The following RGS9 variants were observed in gnomAD, a reference collection of about 807,000 sequenced individuals.
RGS9 encodes regulator of G-protein signalling 9.
RGS9 carries 78 observed loss-of-function variants against 102.0 expected under a neutral mutation model. The ratio of observed to expected loss-of-function variants is 0.76; its 90% confidence interval spans 0.64 to 0.92. The LOEUF is 0.92. Among genes scored for constraint, RGS9 ranks in the 40% least tolerant of loss-of-function variants. The pLI, the probability that RGS9 is intolerant of heterozygous loss-of-function variation, is 0.00. For missense variants in RGS9, 833 were observed against 866.1 expected (o/e 0.96, Z 0.48); for synonymous variants, 353 against 318.6 (o/e 1.11, Z -1.15).
At chr17:65,216,857 A>G (rs1023343030) in intron 17 of RGS9, among the ~76,000 whole-genome samples, 3 of 152,182 alleles carry the variant, frequency 2.0e-5, no homozygotes, top group African/African-American at 7.2e-5. Context: ...AGTGCTCTGA[A>G]GGAAAGGAAA....
chr17:65,198,985 C>CT (rs1470141498), intron 13 of RGS9, among the ~76,000 whole-genome samples: 1 of 151,954 alleles, frequency 6.6e-6, no homozygotes, highest in Non-Finnish European at 1.5e-5. Context: ...AATTTATTAT[C>CT]TCCCCCCCAC....
intron 11 of RGS9, among the ~76,000 whole-genome samples, chr17:65,190,722 A>T (rs575683973): frequency 6.6e-6 from 1 of 152,274 alleles, no homozygotes; most frequent in East Asian, 1.9e-4. Context: ...GGCTACCTTG[A>T]CCCAGCCCCC....
intron 2 of RGS9, among the ~76,000 whole-genome samples, chr17:65,155,083 A>G (rs1910719496): frequency 6.6e-6 from 1 of 152,188 alleles, no homozygotes; most frequent in Non-Finnish European, 1.5e-5. Flanking sequence ...GAAATGCTAT[A>G]GAGCAGCTCA....
intron 17 of RGS9, among the ~76,000 whole-genome samples, chr17:65,216,618 C>A (rs982313337): frequency 2.6e-4 from 39 of 152,172 alleles, no homozygotes; most frequent in African/African-American, 8.9e-4. Flanking sequence ...GCCTGGGCAA[C>A]GATTTTACAG....
At chr17:65,189,107 A>G in intron 9 of RGS9, 179 bp from the exon 10 acceptor site, 1 of 621,258 alleles carries the variant, frequency 1.6e-6, no homozygotes, top group Non-Finnish European at 2.9e-6. Context: ...CTTGGTATTT[A>G]TTCCCCAGGG....
chr17:65,145,385 C>T (rs571711174), intron 1 of RGS9, among the ~76,000 whole-genome samples: 1 of 149,834 alleles, frequency 6.7e-6, no homozygotes, highest in African/African-American at 2.5e-5. Context: ...GCCATTGTGC[C>T]CAGCCTTATT....
chr17:65,223,062 A>T (rs970668654), intron 17 of RGS9, among the ~76,000 whole-genome samples: 1 of 152,214 alleles, frequency 6.6e-6, no homozygotes, highest in Non-Finnish European at 1.5e-5. Context: ...TAAAATGGGG[A>T]TAATAACAGT....
intron 15 of RGS9, 50 bp downstream of exon 15, chr17:65,204,351 CTAAG>C: frequency 6.2e-7 from 1 of 1,603,362 alleles, no homozygotes; most frequent in Non-Finnish European, 8.5e-7. Flanking sequence ...CTTTCTGTCA[CTAAG>C]TACCCGGAAA....
chr17:65,226,358 G>A (rs1402386835), intron 18 of RGS9, among the ~76,000 whole-genome samples: 1 of 152,172 alleles, frequency 6.6e-6, no homozygotes, highest in Non-Finnish European at 1.5e-5. Context: ...GATACCCGGG[G>A]ACAGCCAGGC....
chr17:65,196,010 G>A (rs888854815), intron 12 of RGS9, among the ~76,000 whole-genome samples: 3 of 152,222 alleles, frequency 2.0e-5, no homozygotes, highest in Non-Finnish European at 4.4e-5. Context: ...AGGTGATTCT[G>A]ATGCATGTGG....
At chr17:65,188,188 G>C (rs549114920) in intron 9 of RGS9, among the ~76,000 whole-genome samples, 29 of 152,330 alleles carry the variant, frequency 1.9e-4, no homozygotes, top group Non-Finnish European at 2.6e-4. Context: ...TGCAATTGCA[G>C]ATCTATGTAT....
intron 8 of RGS9, among the ~76,000 whole-genome samples, chr17:65,169,727 A>G (rs775502085): frequency 6.6e-6 from 1 of 152,186 alleles, no homozygotes; most frequent in African/African-American, 2.4e-5. Context: ...CTTCTGGGGT[A>G]AGTTCTCAGC....
intron 17 of RGS9, among the ~76,000 whole-genome samples, chr17:65,224,584 C>T (rs923758433): frequency 2.6e-5 from 4 of 152,224 alleles, no homozygotes; most frequent in African/African-American, 9.6e-5. Flanking sequence ...GTTTTAAATG[C>T]CTCCAGACCT....
At chr17:65,151,340 T>TCCCC (rs759962371) in intron 1 of RGS9, among the ~76,000 whole-genome samples, 31 of 119,286 alleles carry the variant, frequency 2.6e-4, no homozygotes, top group East Asian at 1.2e-3. Flanking sequence ...GGAAGACCTG[T>TCCCC]CCCAAAAAAA....
At chr17:65,142,690 C>A (rs1040607554) in intron 1 of RGS9, among the ~76,000 whole-genome samples, 1 of 150,350 alleles carries the variant, frequency 6.7e-6, no homozygotes, top group African/African-American at 2.5e-5. Flanking sequence ...TCAAGTGATT[C>A]TCCTGCCTCA....
At chr17:65,215,381 G>A (rs1399956469) in intron 17 of RGS9, among the ~76,000 whole-genome samples, 1 of 152,158 alleles carries the variant, frequency 6.6e-6, no homozygotes, top group Non-Finnish European at 1.5e-5. Flanking sequence ...TTAGCAGTTG[G>A]GGAGGCACCA....
chr17:65,225,777 C>T (rs1905643722), intron 18 of RGS9, among the ~76,000 whole-genome samples: 1 of 152,240 alleles, frequency 6.6e-6, no homozygotes, highest in Non-Finnish European at 1.5e-5. Context: ...TTGTCCCATC[C>T]CAAGACCGTT....
chr17:65,138,649 C>G (rs934334525), intron 1 of RGS9, among the ~76,000 whole-genome samples: 2 of 151,994 alleles, frequency 1.3e-5, no homozygotes, highest in Non-Finnish European at 2.9e-5. Context: ...CAGAAAGAAC[C>G]CTGAGAGCCT....
chr17:65,168,709 C>G (rs1598580323), intron 8 of RGS9, among the ~76,000 whole-genome samples: 3 of 152,148 alleles, frequency 2.0e-5, no homozygotes, highest in African/African-American at 7.2e-5. Context: ...TCTCTAGCTC[C>G]CTCACTTTTT....
Sources: allele counts gnomAD v4.1 joint callset (sites outside exome capture counted in the v4.1 genomes callset), GRCh38; gene constraint gnomAD v4.1.1; transcripts MANE v1.5; gene names NCBI Gene and HGNC (gene_info 2026-07-23, HGNC 2026-07-21).